The following CDH8 variants were observed in gnomAD, a reference collection of about 807,000 sequenced individuals.
The protein encoded by CDH8 is cadherin 8, also known as cadherin-8.
Under a neutral mutation model 68.1 loss-of-function variants are expected in CDH8, and 17 were observed. That is an observed-to-expected ratio of 0.25 (90% CI 0.17 to 0.37). The LOEUF is 0.37. Among genes scored for constraint, CDH8 ranks in the 10% least tolerant of loss-of-function variants. The pLI is 1.00. For synonymous variants in CDH8, 372 were observed against 365.1 expected (o/e 1.02, Z -0.21); for missense variants, 763 against 999.3 (o/e 0.76, Z 3.19).
chr16:61,883,958 G>GTT (rs5817321), intron 3 of CDH8, among the ~76,000 whole-genome samples: 67 of 151,024 alleles, frequency 4.4e-4, no homozygotes, highest in African/African-American at 1.2e-3. Flanking sequence ...ACAGTAGAAG[G>GTT]TTTTTTTTTA....
intron 7 of CDH8, among the ~76,000 whole-genome samples, chr16:61,814,370 G>T: frequency 6.6e-6 from 1 of 152,144 alleles, no homozygotes; most frequent in East Asian, 1.9e-4. Context: ...GTAAGATGAC[G>T]GATTTTTCTC....
At chr16:61,921,019 C>T (rs1405928490) in intron 2 of CDH8, among the ~76,000 whole-genome samples, 1 of 148,222 alleles carries the variant, frequency 6.7e-6, no homozygotes, top group Non-Finnish European at 1.5e-5. Context: ...AAACCAAACA[C>T]CGCATATTCT....
chr16:61,860,932 C>T (rs1417475106), intron 3 of CDH8, among the ~76,000 whole-genome samples: 8 of 152,150 alleles, frequency 5.3e-5, no homozygotes, highest in Middle Eastern at 3.2e-3. Context: ...ATAGTTCTGA[C>T]GTCTTCTGAA....
chr16:61,682,996 T>C (rs951444391), intron 10 of CDH8, among the ~76,000 whole-genome samples: 6 of 151,994 alleles, frequency 3.9e-5, no homozygotes, highest in African/African-American at 9.7e-5. Context: ...TTCAAAGAAA[T>C]ACAAGTGGAG....
At chr16:61,783,379 G>T (rs1396931406) in intron 8 of CDH8, among the ~76,000 whole-genome samples, 27 of 147,370 alleles carry the variant, frequency 1.8e-4, no homozygotes, top group Middle Eastern at 7.2e-3. Context: ...AGAAGGGAAG[G>T]TTAGAGAAAA....
intron 8 of CDH8, among the ~76,000 whole-genome samples, chr16:61,753,827 A>C (rs1038475177): frequency 3.9e-5 from 6 of 152,166 alleles, no homozygotes. Context: ...GCTCTTACTT[A>C]TTTGAGTGGA....
chr16:61,871,277 C>G (rs1490270478), intron 3 of CDH8, among the ~76,000 whole-genome samples: 4 of 151,836 alleles, frequency 2.6e-5, no homozygotes, highest in Non-Finnish European at 5.9e-5. Flanking sequence ...ACCTCCCAGG[C>G]TCAAGCAATC....
chr16:61,900,876 A>C (rs1027667161), intron 3 of CDH8, among the ~76,000 whole-genome samples: 2 of 152,228 alleles, frequency 1.3e-5, no homozygotes, highest in South Asian at 2.1e-4. Context: ...ACAAATCTTG[A>C]TAAATCTGCC....
chr16:61,939,956 A>G (rs1294795542), intron 2 of CDH8, among the ~76,000 whole-genome samples: 3 of 152,194 alleles, frequency 2.0e-5, no homozygotes, highest in South Asian at 2.1e-4. Flanking sequence ...AGCTAGAAAT[A>G]CCTGGCTCAC....
At position 61,655,713 on chromosome 16, in the gene CDH8, G is replaced by T; in HGVS notation, c.1663C>A (p.Leu555Ile). 4.3e-6 allele frequency: 7 copies of T among 1,613,102 alleles called. No individual in the cohort carries two copies. Among genetic ancestry groups the T allele is most frequent in the Non-Finnish European group, 5.9e-6 (7 of 1,179,336 alleles). Reference sequence around the variant, plus strand: ...CCATTATGCTTTGCCAAAATACTGAGGGAATTATCTGAAAAAAGTAAAAAT... The same window carrying T: ...CCATTATGCTTTGCCAAAATACTGATGGAATTATCTGAAAAAAGTAAAAAT... ...FTIKKNEDNS[L>I]SILAKHNGFN... The change falls in exon 11 of 12, where the codon CTC becomes ATC. Residue 555 changes from leucine (L) to isoleucine (I), a missense_variant. By Grantham distance (5) the Leu-to-Ile change is conservative (BLOSUM62 2). Transcript: ENST00000577390.
At chr16:61,981,486 T>C (rs1965527290) in intron 2 of CDH8, among the ~76,000 whole-genome samples, 1 of 152,214 alleles carries the variant, frequency 6.6e-6, no homozygotes, top group Non-Finnish European at 1.5e-5. Flanking sequence ...AATTAAATGA[T>C]ACAGGGAAAG....
intron 2 of CDH8, among the ~76,000 whole-genome samples, chr16:61,916,969 T>G (rs1292680801): frequency 1.3e-5 from 2 of 152,174 alleles, no homozygotes; most frequent in Non-Finnish European, 2.9e-5. Flanking sequence ...TTTAATTATT[T>G]TTGCATGTGA....
intron 10 of CDH8, among the ~76,000 whole-genome samples, chr16:61,666,233 G>A (rs1417846623): frequency 6.9e-6 from 1 of 145,964 alleles, no homozygotes; most frequent in Non-Finnish European, 1.5e-5. Flanking sequence ...TATATGGTTT[G>A]GTATTATCTG....
intron 6 of CDH8, among the ~76,000 whole-genome samples, chr16:61,819,693 C>T (rs534894324): frequency 9.9e-4 from 150 of 151,958 alleles, no homozygotes; most frequent in African/African-American, 3.5e-3. Flanking sequence ...TCAGTGGGGG[C>T]GATTTTTAGA....
chr16:61,668,375 G>C (rs1340642156), intron 10 of CDH8, among the ~76,000 whole-genome samples: 1 of 151,822 alleles, frequency 6.6e-6, no homozygotes, highest in Non-Finnish European at 1.5e-5. Context: ...TACTCAAAAT[G>C]CTCCACGCAC....
At chr16:61,714,029 G>T (rs115548634) in intron 9 of CDH8, 71 bp from the exon 10 acceptor site, 1 of 923,290 alleles carries the variant, frequency 1.1e-6, no homozygotes, top group Non-Finnish European at 1.8e-6. Context: ...AAAGCTTAGT[G>T]ACATTCTTTT....
chr16:61,941,100 T>C (rs189343210), intron 2 of CDH8, among the ~76,000 whole-genome samples: 3 of 152,304 alleles, frequency 2.0e-5, no homozygotes, highest in Admixed American at 6.5e-5. Flanking sequence ...GAATGCAAGA[T>C]TGCTTTCCAA....
Position 61,653,202 on chromosome 16 carries a change from A to T in CDH8, c.*406T>A. Reference sequence around the variant, plus strand: ...GAAAAAACCATTTGCATTCATAAAAATCCTTGCAGAAGACACATATCAGCA... The same window carrying T: ...GAAAAAACCATTTGCATTCATAAAATTCCTTGCAGAAGACACATATCAGCA... On this transcript the variant is annotated 3_prime_UTR_variant, in exon 12 of 12. Transcript: ENST00000577390. The T allele has an allele frequency of 8.3e-7, 1 of 1,209,010 alleles. No homozygotes were observed. Among genetic ancestry groups the T allele is most frequent in the South Asian group, 4.1e-5 (1 of 24,658 alleles). The allele number at this position is 1,209,010 out of a possible 1,614,324, so 74.9% of individuals were successfully genotyped here. A position where few individuals can be genotyped will look rare whatever the true frequency, so the allele number is the denominator to read the frequency against.
rs542401732 is a variant in CDH8 at position 61,647,638 on chromosome 16, C to T, written c.*5970G>A. Reference sequence around the variant, plus strand: ...TGGCTTTGGGGGGTGATCCCAATGACTCCTAAATTGTCATGGTCCATCTTA... The same window carrying T: ...TGGCTTTGGGGGGTGATCCCAATGATTCCTAAATTGTCATGGTCCATCTTA... On this transcript the variant is annotated 3_prime_UTR_variant, in exon 12 of 12. Coordinates refer to ENST00000577390, the MANE Select transcript of CDH8 (RefSeq NM_001796.5). The T allele has an allele frequency of 5.5e-5, 31 of 561,042 alleles. No individual in the cohort carries two copies. The Admixed American group carries it at 1.0e-3, about 18-fold the overall frequency. 34.8% of individuals were successfully genotyped at this position (561,042 alleles called of 1,614,324 possible). A position where few individuals can be genotyped will look rare whatever the true frequency, so the allele number is the denominator to read the frequency against.
Sources: gnomAD v4.1 joint callset for allele counts (sites outside exome capture counted in the v4.1 genomes callset) on GRCh38, gnomAD v4.1.1 for gene constraint, MANE v1.5 for transcripts, NCBI Gene and HGNC (gene_info 2026-07-23, HGNC 2026-07-21) for gene names.